NEB: variants seen among roughly 807,000 people sequenced by gnomAD.
The protein encoded by NEB is nemaline myopathy type 2.
In NEB, 512 loss-of-function variants were observed where a neutral mutation model predicts 952.2. The observed-to-expected ratio is 0.54, with a 90% CI of 0.50 to 0.58. The LOEUF is 0.58. Ranked by LOEUF, NEB falls within the 20% of genes least tolerant of loss-of-function variation. The pLI is 0.00. For synonymous variants in NEB, 2,900 were observed against 3,149.8 expected (o/e 0.92, Z 2.66); for missense variants, 8,428 against 9,231.1 (o/e 0.91, Z 3.56).
intron 70 of NEB, among the ~76,000 whole-genome samples, chr2:151,626,637 C>T (rs1220923701): frequency 3.3e-5 from 5 of 151,862 alleles, no homozygotes; most frequent in African/African-American, 7.3e-5. Flanking sequence ...CTCAGGTTCA[C>T]ACCATTCTCC....
rs910475260 is a variant in NEB at position 151,538,084 on chromosome 2, A to T, written c.20997+56T>A. ...AGGGAGGTTGCTAAAAAATATATGT[A>T]TATGTATATGGTGAGTTGTAGAGCC... On this transcript the variant is annotated intron_variant, in intron 139 of 181. Transcript: ENST00000397345. The T allele has an allele frequency of 2.7e-6, 4 of 1,504,356 alleles. No individual in the cohort carries two copies. The East Asian group carries it at 9.0e-5, about 34-fold the overall frequency. The allele number at this position is 1,504,356 out of a possible 1,614,324, so 93.2% of individuals were successfully genotyped here. A position where few individuals can be genotyped will look rare whatever the true frequency, so the allele number is the denominator to read the frequency against.
intron 32 of NEB, 90 bp from the exon 33 acceptor site, chr2:151,678,277 C>A: frequency 1.4e-6 from 1 of 736,970 alleles, no homozygotes; most frequent in Non-Finnish European, 2.2e-6. Flanking sequence ...ATTGAGCTTC[C>A]CAAAAATTAC....
chr2:151,512,595 T>G, intron 161 of NEB, 138 bp downstream of exon 161: 5 of 713,778 alleles, frequency 7.0e-6, no homozygotes, highest in South Asian at 1.6e-5. Context: ...AATACAGACG[T>G]GAGCCACTGC....
intron 170 of NEB, 161 bp downstream of exon 170, chr2:151,498,099 A>G: frequency 6.8e-7 from 1 of 1,476,574 alleles, no homozygotes; most frequent in African/African-American, 1.4e-5. Flanking sequence ...TAAAAAATTG[A>G]CATTAACTGT....
chr2:151,620,919 A>C lies in NEB; in HGVS notation c.10560T>G (p.Asp3520Glu), dbSNP rs368803600. 6.2e-7 allele frequency: 1 copy of C among 1,606,966 alleles called. No homozygotes were observed. The highest frequency in any genetic ancestry group is 8.5e-7 in the Non-Finnish European group (1 of 1,175,464). The change falls in exon 72 of 182, where the codon GAT (aspartate) becomes GAG (glutamate). Residue 3520 changes from aspartate to glutamate, a missense_variant and splice_region_variant. This residue lies in a region of NEB where 1,772 missense variants were observed against 1,960.3 expected (regional missense o/e 0.90). Transcript: ENST00000397345. The stretch of plus-strand genomic sequence containing the variant: ...ATGTTAGGACTTGATCAGCTCTTAC[A>C]TCACTGGCAATATCCCGAGAGGCCT... ...AAKASRDIAS[D>E]YKYKEAYRKQ... is the part of the protein sequence containing the mutation.
At chr2:151,491,587 C>G (rs2056685364) in intron 179 of NEB, 96 bp downstream of exon 179, 1 of 1,050,798 alleles carries the variant, frequency 9.5e-7, no homozygotes, top group African/African-American at 1.6e-5. Flanking sequence ...ATGGAAAACT[C>G]TGGAGGGAAG....
At chr2:151,680,894 C>G in intron 29 of NEB, 66 bp from the exon 30 acceptor site, 1 of 1,254,810 alleles carries the variant, frequency 8.0e-7, no homozygotes, top group Non-Finnish European at 1.2e-6. Flanking sequence ...CGTCAAAATC[C>G]TTGAAATTTA....
intron 156 of NEB, among the ~76,000 whole-genome samples, 168 bp downstream of exon 156, chr2:151,518,150 T>A (rs1324918345): frequency 6.6e-6 from 1 of 152,242 alleles, no homozygotes; most frequent in Non-Finnish European, 1.5e-5. Context: ...TATGTAGATG[T>A]TGTTGTAATT....
chr2:151,489,426 TCTCC>T (rs752930244), intron 181 of NEB, among the ~76,000 whole-genome samples: 4 of 152,124 alleles, frequency 2.6e-5, no homozygotes, highest in Non-Finnish European at 5.9e-5. Flanking sequence ...TGAGACAGGG[TCTCC>T]CTCTGTCATC....
chr2:151,519,976 G>A (rs981224314), intron 153 of NEB: 7 of 411,890 alleles, frequency 1.7e-5, no homozygotes, highest in Non-Finnish European at 2.6e-5. Context: ...TATGATCACT[G>A]GCCTTGCTCA....
intron 153 of NEB, among the ~76,000 whole-genome samples, chr2:151,523,380 C>A (rs1301233667): frequency 3.3e-5 from 5 of 152,302 alleles, no homozygotes; most frequent in African/African-American, 1.2e-4. Context: ...TTATATCTTC[C>A]AAAAGATTGG....
chr2:151,488,153 A>G (rs1173753906), intron 181 of NEB, among the ~76,000 whole-genome samples: 2 of 152,094 alleles, frequency 1.3e-5, no homozygotes, highest in African/African-American at 4.8e-5. Flanking sequence ...GAGGGGAATA[A>G]TTTATCAGTG....
rs772790818 is a variant in NEB at position 151,563,602 on chromosome 2, T to G, written c.18693+4A>C. 1.9e-6 allele frequency: 3 copies of G among 1,610,280 alleles called. No homozygotes were observed. In the Admixed American group the frequency reaches 5.0e-5, roughly 27 times the overall value. On this transcript the variant is annotated splice_donor_region_variant and intron_variant, in intron 119 of 181. Transcript: ENST00000397345. The stretch of plus-strand genomic sequence containing the variant: ...ATCCCGTGTTAAAGTGGACATTTAC[T>G]TACCGCACTCCTCATCTTTTGGAAA...
intron 55 of NEB, among the ~76,000 whole-genome samples, chr2:151,645,458 TGAAA>T (rs1183786050): frequency 1.3e-5 from 2 of 152,196 alleles, no homozygotes; most frequent in Non-Finnish European, 2.9e-5. Flanking sequence ...AAAGCTTAAG[TGAAA>T]GAATTTGTTT....
chr2:151,534,198 C>A (rs1401057298), intron 142 of NEB: 2 of 1,601,768 alleles, frequency 1.2e-6, no homozygotes, highest in Non-Finnish European at 1.7e-6. Context: ...GGCCACCGGC[C>A]AGCCCCATCA....
At chr2:151,695,542 C>CAAACATAAA in intron 18 of NEB, 36 bp downstream of exon 18, 10 of 1,462,102 alleles carry the variant, frequency 6.8e-6, no homozygotes, top group Non-Finnish European at 9.5e-6. Context: ...CACAGGTTGT[C>CAAACATAAA]AGTACATCAC....
intron 71 of NEB, among the ~76,000 whole-genome samples, chr2:151,621,415 T>C (rs1222830305): frequency 6.6e-6 from 1 of 152,230 alleles, no homozygotes; most frequent in Non-Finnish European, 1.5e-5. Context: ...TAACATATAA[T>C]AATACTACCA....
At position 151,706,770 on chromosome 2, in the gene NEB, C is replaced by G; in HGVS notation, c.1152+111G>C. 3.9e-6 allele frequency: 3 copies of G among 761,780 alleles called. 1 individual carries two copies. The South Asian group carries it at 4.8e-5, about 12-fold the overall frequency. The allele number at this position is 761,780 out of a possible 1,614,324, so 47.2% of individuals were successfully genotyped here. On this transcript the variant is annotated intron_variant, in intron 13 of 181. Coordinates refer to ENST00000397345, the MANE Select transcript of NEB (RefSeq NM_001164508.2). ...CATAGTTCCAATGAACCTACCACTCCATAACCTTAATGTATTTGCAAAGTT... is the reference window on the plus strand; with the variant it reads ...CATAGTTCCAATGAACCTACCACTCGATAACCTTAATGTATTTGCAAAGTT...
At chr2:151,699,925 G>T (rs1309575604) in intron 13 of NEB, among the ~76,000 whole-genome samples, 5 of 149,684 alleles carry the variant, frequency 3.3e-5, no homozygotes, top group African/African-American at 7.3e-5. Flanking sequence ...GTTTTAGACA[G>T]GAAGTCCTTG....
Sources: allele counts gnomAD v4.1 joint callset (sites outside exome capture counted in the v4.1 genomes callset), GRCh38; gene constraint gnomAD v4.1.1; regional missense constraint gnomAD v4.1.1; transcripts MANE v1.5; gene names NCBI Gene and HGNC (gene_info 2026-07-23, HGNC 2026-07-21).